Variants in PXDNL observed in about 807,000 individuals in gnomAD.
PXDNL encodes the protein probable oxidoreductase PXDNL.
In PXDNL, 145 loss-of-function variants were observed where a neutral mutation model predicts 150.8. The observed-to-expected ratio is 0.96, with a 90% confidence interval of 0.84 to 1.10. The LOEUF is 1.10. Among genes scored for constraint, PXDNL ranks in the 50% least tolerant of loss-of-function variants. The pLI is 0.00. For missense variants in PXDNL, 2,087 were observed against 1,873.9 expected, an observed-to-expected ratio of 1.11 and a Z score of -2.10; for synonymous variants, 757 against 725.7, an observed-to-expected ratio of 1.04 and a Z score of -0.69.
At chr8:51,579,819 AAAAACC>A (rs1813164905) in intron 3 of PXDNL, among the ~76,000 whole-genome samples, 1 of 151,994 alleles carries the variant, frequency 6.6e-6, no homozygotes, top group Non-Finnish European at 1.5e-5. Context: ...GATATTACGC[AAAAACC>A]AGGATGACTC....
chr8:51,347,253 C>T (rs1011157309), intron 19 of PXDNL, among the ~76,000 whole-genome samples: 1 of 152,074 alleles, frequency 6.6e-6, no homozygotes, highest in African/African-American at 2.4e-5. Flanking sequence ...ACATCTTCAC[C>T]TTATCATATG....
intron 12 of PXDNL, among the ~76,000 whole-genome samples, chr8:51,444,847 C>T (rs1809638114): frequency 6.6e-6 from 1 of 152,084 alleles, no homozygotes; most frequent in Non-Finnish European, 1.5e-5. Flanking sequence ...CCCGTGGTTT[C>T]TGACTTTCAT....
chr8:51,371,971 T>C lies in PXDNL; in HGVS notation c.3803A>G (p.Gln1268Arg). The change falls in exon 19 of 23, where the codon CAG becomes CGG. Residue 1268 changes from glutamine (Q) to arginine (R), a missense_variant. Transcript: ENST00000356297. ...TTCTGCCTTTACAAAGACATCAGCCTGCACTTGCTGAATGCTGTCACCATT... is the reference window on the plus strand; with the variant it reads ...TTCTGCCTTTACAAAGACATCAGCCCGCACTTGCTGAATGCTGTCACCATT... ...CDNGDSIQQV[Q>R]ADVFVKAEYP... is the part of the protein sequence containing the mutation. The C allele has an allele frequency of 1.2e-6, 2 of 1,613,900 alleles. No individual in the cohort carries two copies. The highest frequency in any genetic ancestry group is 1.7e-6 in the Non-Finnish European group (2 of 1,179,856).
chr8:51,551,566 T>C (rs1230872287), intron 4 of PXDNL, among the ~76,000 whole-genome samples: 2 of 151,854 alleles, frequency 1.3e-5, no homozygotes, highest in Non-Finnish European at 2.9e-5. Context: ...AATAAAAACA[T>C]AAAGTGGGGA....
chr8:51,324,529 T>C (rs966615149), intron 21 of PXDNL, among the ~76,000 whole-genome samples: 2 of 152,250 alleles, frequency 1.3e-5, no homozygotes, highest in African/African-American at 4.8e-5. Flanking sequence ...CCTTCCCTTC[T>C]CTCTTCTTTC....
intron 2 of PXDNL, among the ~76,000 whole-genome samples, chr8:51,652,709 C>T (rs1815067217): frequency 6.6e-6 from 1 of 152,004 alleles, no homozygotes; most frequent in Non-Finnish European, 1.5e-5. Context: ...GTAACACCTA[C>T]CACAAAGCAT....
At chr8:51,715,419 C>T (rs552746552) in intron 1 of PXDNL, among the ~76,000 whole-genome samples, 3 of 152,272 alleles carry the variant, frequency 2.0e-5, no homozygotes, top group East Asian at 3.9e-4. Context: ...CCACCACACA[C>T]GATTTTAATC....
chr8:51,339,328 C>T (rs751566926), intron 21 of PXDNL, among the ~76,000 whole-genome samples: 15 of 152,120 alleles, frequency 9.9e-5, no homozygotes, highest in African/African-American at 3.4e-4. Context: ...GGTGTAGTGA[C>T]GGACGCCTGT....
At chr8:51,529,842 C>T (rs1236152003) in intron 4 of PXDNL, among the ~76,000 whole-genome samples, 1 of 152,186 alleles carries the variant, frequency 6.6e-6, no homozygotes. Context: ...TTCTTCTAGG[C>T]CAGGCACTAT....
At chr8:51,782,993 A>G (rs2037430011) in intron 1 of PXDNL, among the ~76,000 whole-genome samples, 1 of 152,236 alleles carries the variant, frequency 6.6e-6, no homozygotes, top group Non-Finnish European at 1.5e-5. Flanking sequence ...CATCCACAGT[A>G]GCTAATGGCT....
chr8:51,342,460 A>G (rs1806016114), intron 20 of PXDNL, among the ~76,000 whole-genome samples: 1 of 152,212 alleles, frequency 6.6e-6, no homozygotes, highest in South Asian at 2.1e-4. Flanking sequence ...TAAATTAATC[A>G]GGAAAAATGG....
chr8:51,573,613 G>A (rs1437120355), intron 3 of PXDNL, among the ~76,000 whole-genome samples: 2 of 151,902 alleles, frequency 1.3e-5, no homozygotes, highest in East Asian at 3.9e-4. Flanking sequence ...CCACCATGTG[G>A]GAATCAATGG....
intron 1 of PXDNL, among the ~76,000 whole-genome samples, chr8:51,790,764 T>C (rs2037504388): frequency 1.3e-5 from 2 of 152,124 alleles, no homozygotes; most frequent in South Asian, 4.2e-4. Context: ...GCTACAGCGT[T>C]GAGGAGGGCT....
chr8:51,795,881 G>A (rs551431205), intron 1 of PXDNL, among the ~76,000 whole-genome samples: 2 of 152,344 alleles, frequency 1.3e-5, no homozygotes, highest in South Asian at 4.1e-4. Context: ...AAACACACCT[G>A]TGGGTAATTA....
chr8:51,618,692 G>A (rs1019644840), intron 2 of PXDNL, among the ~76,000 whole-genome samples: 1 of 152,168 alleles, frequency 6.6e-6, no homozygotes, highest in Admixed American at 6.5e-5. Flanking sequence ...GAAGCAGTGA[G>A]GAACAGTGAC....
chr8:51,756,893 T>C (rs2037107815), intron 1 of PXDNL, among the ~76,000 whole-genome samples: 1 of 152,208 alleles, frequency 6.6e-6, no homozygotes, highest in Admixed American at 6.5e-5. Flanking sequence ...TCAAGAAATG[T>C]TGGATAGTCA....
intron 1 of PXDNL, among the ~76,000 whole-genome samples, chr8:51,801,831 A>G (rs754771414): frequency 9.4e-4 from 143 of 152,326 alleles, no homozygotes; most frequent in Admixed American, 2.7e-3. Flanking sequence ...TAAAATGTCT[A>G]TCTTTCATTG....
chr8:51,571,031 AT>A (rs1261688672), intron 3 of PXDNL, among the ~76,000 whole-genome samples: 1 of 151,720 alleles, frequency 6.6e-6, no homozygotes, highest in African/African-American at 2.4e-5. Context: ...ATTTCCAAAG[AT>A]CTTAAACAGT....
chr8:51,377,730 C>T (rs762079792), intron 17 of PXDNL, among the ~76,000 whole-genome samples: 6 of 152,202 alleles, frequency 3.9e-5, no homozygotes, highest in Admixed American at 2.6e-4. Flanking sequence ...CTCGAATTCT[C>T]GTGGGGCCTC....
Sources: allele counts gnomAD v4.1 joint callset (sites outside exome capture counted in the v4.1 genomes callset), GRCh38; gene constraint gnomAD v4.1.1; transcripts MANE v1.5; gene names NCBI Gene and HGNC (gene_info 2026-07-23, HGNC 2026-07-21).